The following DLC1 variants were observed in gnomAD, a reference collection of about 807,000 sequenced individuals.
DLC1 encodes DLC1 Rho GTPase activating protein.
A neutral mutation model predicts 140.3 loss-of-function variants in DLC1; 54 were observed. The ratio of observed to expected loss-of-function variants is 0.38; its 90% CI spans 0.31 to 0.48. The LOEUF (loss-of-function observed/expected upper bound fraction) is 0.48. Ranked by LOEUF, DLC1 falls within the 20% of genes least tolerant of loss-of-function variation. The probability of loss-of-function intolerance (pLI) is 0.96; values close to 1 mark genes in which losing one functional copy is unlikely to be tolerated. For missense variants in DLC1, 2,536 were observed against 1,907.0 expected (o/e 1.33, Z -6.14); for synonymous variants, 986 against 728.1 (o/e 1.35, Z -5.70).
intron 5 of DLC1, among the ~76,000 whole-genome samples, chr8:13,159,229 A>C (rs1482333532): frequency 6.6e-6 from 1 of 152,098 alleles, no homozygotes; most frequent in South Asian, 2.1e-4. Flanking sequence ...TCATGCGTCC[A>C]CTCCCTAAAG....
Position 13,090,484 on chromosome 8 carries a change from G to C in DLC1, c.3856-14C>G. The C allele has an allele frequency of 6.2e-7, 1 of 1,612,876 alleles. No individual in the cohort carries two copies. The highest frequency in any genetic ancestry group is 8.5e-7 in the Non-Finnish European group (1 of 1,179,838). On this transcript the variant is annotated splice_polypyrimidine_tract_variant and intron_variant, in intron 14 of 17. Transcript: ENST00000276297. ...TTCCTCGGGAACCTGTGCGGAACAT[G>C]ACAGACAGAAAGGAGGTGAGTCCAC...
chr8:13,220,552 T>C (rs1261198099), intron 5 of DLC1, among the ~76,000 whole-genome samples: 2 of 152,182 alleles, frequency 1.3e-5, no homozygotes, highest in Non-Finnish European at 2.9e-5. Flanking sequence ...TAGAACATTA[T>C]ATTCTTGATA....
intron 2 of DLC1, among the ~76,000 whole-genome samples, chr8:13,489,312 G>T (rs780731004): frequency 1.3e-5 from 2 of 151,364 alleles, no homozygotes; most frequent in African/African-American, 4.9e-5. Flanking sequence ...TACTTTCTCA[G>T]TTCTCTCTTG....
At chr8:13,167,119 A>C (rs1041586118) in intron 5 of DLC1, among the ~76,000 whole-genome samples, 1 of 152,192 alleles carries the variant, frequency 6.6e-6, no homozygotes, top group Non-Finnish European at 1.5e-5. Context: ...GAAATGACCA[A>C]AATACCTTTT....
chr8:13,477,794 C>T (rs576765795), intron 2 of DLC1, among the ~76,000 whole-genome samples: 16 of 151,908 alleles, frequency 1.1e-4, no homozygotes, highest in Non-Finnish European at 4.4e-5. Context: ...ATATCCTAAC[C>T]ACCCAACCAA....
chr8:13,144,478 C>T lies in DLC1; in HGVS notation c.1349-28821G>A, dbSNP rs147805304. On this transcript the variant is annotated intron_variant, in intron 5 of 17. Coordinates refer to ENST00000276297, the MANE Select transcript of DLC1 (RefSeq NM_182643.3). ...TGAGACAATTCCCTTAATAAATTAT[C>T]TCTCGGGCCCAGCACAGTGGCTCAT... Among the ~76,000 whole-genome samples the T allele has an allele frequency of 3.3e-5, 5 of 152,330 alleles. 1 individual carries two copies. Among genetic ancestry groups the T allele is most frequent in the African/African-American group, 1.2e-4 (5 of 41,584 alleles).
intron 2 of DLC1, among the ~76,000 whole-genome samples, chr8:13,428,593 G>A (rs553632450): frequency 6.2e-4 from 94 of 152,216 alleles, no homozygotes; most frequent in African/African-American, 2.1e-3. Context: ...ACACTAGTTC[G>A]GGAAATGGTG....
At chr8:13,510,720 T>C (rs1336395005) in intron 1 of DLC1, among the ~76,000 whole-genome samples, 1 of 152,150 alleles carries the variant, frequency 6.6e-6, no homozygotes, top group Non-Finnish European at 1.5e-5. Context: ...TCACTAGTGC[T>C]CTGTTCTCAC....
chr8:13,545,419 A>G (rs915381601), intron 1 of DLC1, among the ~76,000 whole-genome samples: 2 of 151,054 alleles, frequency 1.3e-5, no homozygotes, highest in East Asian at 1.9e-4. Flanking sequence ...TGTTTCCCCT[A>G]AGTCATCTTT....
chr8:13,230,631 C>G (rs1327432760), intron 5 of DLC1, among the ~76,000 whole-genome samples: 2 of 142,926 alleles, frequency 1.4e-5, no homozygotes, highest in Non-Finnish European at 3.0e-5. Context: ...GGGTCTCACT[C>G]TGTAGCCCAG....
At chr8:13,245,617 C>T (rs942649091) in intron 5 of DLC1, among the ~76,000 whole-genome samples, 11 of 152,216 alleles carry the variant, frequency 7.2e-5, no homozygotes, top group South Asian at 2.1e-4. Flanking sequence ...GGGAAATCCA[C>T]GTTAAGATAC....
chr8:13,485,087 G>C (rs1800906152), intron 2 of DLC1, among the ~76,000 whole-genome samples: 1 of 152,268 alleles, frequency 6.6e-6, no homozygotes, highest in South Asian at 2.1e-4. Flanking sequence ...TTCACCTTAA[G>C]TGTGGTGGCT....
At chr8:13,453,227 T>C (rs1799150081) in intron 2 of DLC1, among the ~76,000 whole-genome samples, 1 of 148,418 alleles carries the variant, frequency 6.7e-6, no homozygotes. Flanking sequence ...TGTAATGTAA[T>C]GATATATAAG....
intron 5 of DLC1, among the ~76,000 whole-genome samples, chr8:13,148,027 A>C (rs1415343521): frequency 6.6e-6 from 1 of 152,140 alleles, no homozygotes; most frequent in Admixed American, 6.6e-5. Flanking sequence ...CTGAGATTTG[A>C]CAACAAACCA....
intron 1 of DLC1, among the ~76,000 whole-genome samples, chr8:13,535,249 G>A (rs546710634): frequency 3.3e-5 from 5 of 151,630 alleles, no homozygotes; most frequent in South Asian, 2.1e-4. Flanking sequence ...CTGTGGGTGC[G>A]AGTGTGTGTG....
In DLC1 at chr8:13,145,241, A is replaced by C. The variant is rs116206224; in HGVS notation, c.1349-29584T>G. On this transcript the variant is annotated intron_variant, in intron 5 of 17. Transcript: ENST00000276297. ...ATATTAGCAAAGAAGAAAGTCTAAA[A>C]ACTAAGCACCCAGTTCAGAAAAAGC... is the stretch of plus-strand genomic sequence containing the variant. 3.7e-3 allele frequency among the ~76,000 whole-genome samples: 561 copies of C among 152,136 alleles called. 4 individuals are homozygous for C. The highest frequency in any genetic ancestry group is 0.013 in the African/African-American group (541 of 41,452).
intron 5 of DLC1, among the ~76,000 whole-genome samples, chr8:13,117,304 C>G (rs1446397150): frequency 6.6e-6 from 1 of 152,080 alleles, no homozygotes; most frequent in Non-Finnish European, 1.5e-5. Context: ...AACCCTGTCT[C>G]TACCAAAGAA....
At chr8:13,104,705 A>G (rs923858783) in intron 7 of DLC1, among the ~76,000 whole-genome samples, 1 of 152,190 alleles carries the variant, frequency 6.6e-6, no homozygotes, top group Non-Finnish European at 1.5e-5. Context: ...TGTTGATGCA[A>G]CAGAATAGAA....
intron 5 of DLC1, among the ~76,000 whole-genome samples, chr8:13,195,842 G>A (rs531605602): frequency 6.8e-4 from 103 of 151,996 alleles, no homozygotes; most frequent in African/African-American, 2.4e-3. Context: ...TGGATTTTCG[G>A]AATCATTTAA....
Sources: allele counts gnomAD v4.1 joint callset (sites outside exome capture counted in the v4.1 genomes callset), GRCh38; gene constraint gnomAD v4.1.1; transcripts MANE v1.5; gene names NCBI Gene and HGNC (gene_info 2026-07-23, HGNC 2026-07-21).